MAD1L1: variants seen among roughly 807,000 people sequenced by gnomAD.
The protein encoded by MAD1L1 is mitotic arrest deficient 1 like 1.
MAD1L1 carries 95 observed loss-of-function variants against 96.9 expected under a neutral mutation model. The observed-to-expected ratio is 0.98, with a 90% confidence interval of 0.83 to 1.16. MAD1L1 has a LOEUF of 1.16. MAD1L1 is among the 50% of genes most tolerant of loss of function. The probability of loss-of-function intolerance (pLI) is 0.00; values close to 1 mark genes in which losing one functional copy is unlikely to be tolerated. For missense variants in MAD1L1, 1,007 were observed against 954.4 expected (o/e 1.06, Z -0.73); for synonymous variants, 473 against 396.6 (o/e 1.19, Z -2.29).
intron 4 of MAD1L1, among the ~76,000 whole-genome samples, chr7:2,224,520 G>A (rs1182534641): frequency 6.6e-6 from 1 of 152,206 alleles, no homozygotes; most frequent in Non-Finnish European, 1.5e-5. Flanking sequence ...CAGGCCAGGG[G>A]CAAGCAATCC....
intron 10 of MAD1L1, among the ~76,000 whole-genome samples, chr7:2,208,232 G>A (rs1792703050): frequency 6.6e-6 from 1 of 152,064 alleles, no homozygotes; most frequent in South Asian, 2.1e-4. Context: ...CTAGTATACA[G>A]AAACATAACC....
intron 14 of MAD1L1, among the ~76,000 whole-genome samples, chr7:1,986,252 G>A (rs1037688497): frequency 2.0e-5 from 3 of 152,224 alleles, no homozygotes; most frequent in Admixed American, 1.3e-4. Flanking sequence ...GTCTGCCACA[G>A]ATGCGGCTTC....
chr7:1,906,077 CG>C (rs1347565010), intron 17 of MAD1L1, among the ~76,000 whole-genome samples: 5 of 147,160 alleles, frequency 3.4e-5, no homozygotes, highest in Non-Finnish European at 7.4e-5. Context: ...AAAAAAGAGC[CG>C]GGGCCTAGCT....
At chr7:1,853,021 A>G (rs1365854346) in intron 18 of MAD1L1, among the ~76,000 whole-genome samples, 3 of 152,222 alleles carry the variant, frequency 2.0e-5, no homozygotes, top group Admixed American at 6.5e-5. Flanking sequence ...CGCAGGACTC[A>G]AGGCTCAGGG....
intron 17 of MAD1L1, among the ~76,000 whole-genome samples, chr7:1,932,318 G>A (rs560056437): frequency 2.0e-5 from 3 of 152,060 alleles, no homozygotes; most frequent in Non-Finnish European, 4.4e-5. Context: ...CTCTGCTTCC[G>A]CGGCAGAAGC....
intron 17 of MAD1L1, among the ~76,000 whole-genome samples, chr7:1,910,596 A>G (rs962588507): frequency 4.6e-5 from 7 of 152,128 alleles, no homozygotes; most frequent in Admixed American, 3.3e-4. Flanking sequence ...GGCCACCCCC[A>G]CCAGTGGTCT....
intron 10 of MAD1L1, among the ~76,000 whole-genome samples, chr7:2,199,621 T>C (rs1792175656): frequency 6.6e-6 from 1 of 152,250 alleles, no homozygotes; most frequent in South Asian, 2.1e-4. Flanking sequence ...GCCCCCGCAG[T>C]GCCCCGCCTG....
In MAD1L1 at chr7:2,090,676, G is replaced by GC. The variant is rs1011850795; in HGVS notation, c.1074-21339dup. On this transcript the variant is annotated intron_variant, in intron 11 of 18. Transcript: ENST00000265854. The stretch of plus-strand genomic sequence containing the variant: ...TTCTGAGCAGGACTGGCCCAGGCAG[G>GC]CCCCCCGCAGGGTCAGGTGTGTGTT... Among the ~76,000 whole-genome samples the GC allele has an allele frequency of 3.3e-5, 5 of 152,308 alleles. No homozygotes were observed. The Middle Eastern group carries it at 0.014, about 414-fold the overall frequency.
chr7:2,200,127 G>A (rs1792207531), intron 10 of MAD1L1: 1 of 152,426 alleles, frequency 6.6e-6, no homozygotes, highest in Non-Finnish European at 1.5e-5. Context: ...GGAGGGTGAA[G>A]AGCGGGACCA....
intron 10 of MAD1L1, among the ~76,000 whole-genome samples, chr7:2,167,008 C>A (rs1248802173): frequency 1.3e-5 from 2 of 152,212 alleles, no homozygotes; most frequent in African/African-American, 4.8e-5. Context: ...CAAAGAAGTG[C>A]CTGTAGCTCA....
chr7:2,147,477 C>T (rs778184679), intron 11 of MAD1L1, among the ~76,000 whole-genome samples: 1 of 152,248 alleles, frequency 6.6e-6, no homozygotes, highest in Non-Finnish European at 1.5e-5. Context: ...AAGCTGGAAA[C>T]GCTTGTGAGA....
intron 10 of MAD1L1, among the ~76,000 whole-genome samples, chr7:2,207,989 G>T (rs568874565): frequency 6.6e-6 from 1 of 152,156 alleles, no homozygotes; most frequent in Non-Finnish European, 1.5e-5. Context: ...TGCTTGGTGT[G>T]GGGGAAACCT....
chr7:1,980,488 G>A lies in MAD1L1; in HGVS notation c.1470C>T (p.Ser490=). The change falls in exon 15 of 19, where the codon AGC becomes AGT. Residue 490 remains serine (S), a synonymous_variant. Coordinates refer to ENST00000265854, the MANE Select transcript of MAD1L1 (RefSeq NM_001013836.2). ...LKSQSSSAEQ[S]FLFSREEADT... ...CCGCCTCCTCCCTGGAGAACAGGAA[G>A]CTCTGTTCGGCAGAGCTGGACTGAG... The A allele has an allele frequency of 6.3e-7, 1 of 1,598,620 alleles. No individual in the cohort carries two copies. Among genetic ancestry groups the A allele is most frequent in the Non-Finnish European group, 8.5e-7 (1 of 1,177,606 alleles).
intron 15 of MAD1L1, among the ~76,000 whole-genome samples, chr7:1,979,084 C>T (rs1171690482): frequency 1.3e-5 from 2 of 152,210 alleles, no homozygotes; most frequent in Non-Finnish European, 2.9e-5. Flanking sequence ...GCTTTACTCT[C>T]GGCAACCCTG....
intron 11 of MAD1L1, among the ~76,000 whole-genome samples, chr7:2,072,019 G>A (rs934620059): frequency 6.6e-6 from 1 of 152,224 alleles, no homozygotes; most frequent in Non-Finnish European, 1.5e-5. Context: ...GTTTCCTTGA[G>A]TTCTGTGAGA....
chr7:2,033,456 G>A (rs779841150), intron 12 of MAD1L1, among the ~76,000 whole-genome samples: 2 of 152,182 alleles, frequency 1.3e-5, no homozygotes, highest in Non-Finnish European at 2.9e-5. Context: ...CACCTCCGTG[G>A]GTCCCAAAAC....
At chr7:2,225,385 C>T (rs74431414) in intron 4 of MAD1L1, 25 bp downstream of exon 4, 19 of 1,610,928 alleles carry the variant, frequency 1.2e-5, no homozygotes, top group South Asian at 6.6e-5. Context: ...CTGTCTGGGC[C>T]GACCCTCGCC....
intron 18 of MAD1L1, among the ~76,000 whole-genome samples, chr7:1,817,835 C>T (rs1396796958): frequency 6.6e-6 from 1 of 152,030 alleles, no homozygotes; most frequent in Non-Finnish European, 1.5e-5. Flanking sequence ...TGGCAGCTCC[C>T]CTGTCCACCG....
intron 18 of MAD1L1, among the ~76,000 whole-genome samples, chr7:1,863,477 G>C (rs1243737444): frequency 1.3e-5 from 2 of 152,374 alleles, no homozygotes; most frequent in African/African-American, 2.4e-5. Flanking sequence ...CAGTCCTGGG[G>C]AGGGTCTGGA....
Sources: gnomAD v4.1 joint callset for allele counts (sites outside exome capture counted in the v4.1 genomes callset) on GRCh38, gnomAD v4.1.1 for gene constraint, MANE v1.5 for transcripts, NCBI Gene and HGNC (gene_info 2026-07-23, HGNC 2026-07-21) for gene names.